Variants in ASB8 observed in about 807,000 individuals in gnomAD.
The protein encoded by ASB8 is ankyrin repeat and SOCS box containing 8.
In ASB8, 15 loss-of-function variants were observed where a neutral mutation model predicts 22.9. The ratio of observed to expected loss-of-function variants is 0.66; its 90% CI spans 0.44 to 1.01. The LOEUF (loss-of-function observed/expected upper bound fraction) is 1.01. Ranked by LOEUF, ASB8 falls within the 50% of genes least tolerant of loss-of-function variation. ASB8 has a pLI of 0.00. For missense variants in ASB8, 294 were observed against 356.9 expected (o/e 0.82, Z 1.42); for synonymous variants, 124 against 140.8 (o/e 0.88, Z 0.84).
chr12:48,150,581 G>A (rs1951183888), intron 3 of ASB8, among the ~76,000 whole-genome samples: 1 of 152,168 alleles, frequency 6.6e-6, no homozygotes, highest in South Asian at 2.1e-4. Flanking sequence ...GATAGGAAGA[G>A]CACAAATCTC....
intron 1 of ASB8, among the ~76,000 whole-genome samples, chr12:48,155,429 TATA>T (rs1230667602): frequency 6.6e-6 from 1 of 152,074 alleles, no homozygotes; most frequent in Non-Finnish European, 1.5e-5. Context: ...TTTAATAATA[TATA>T]ATGTTTTGGC....
chr12:48,156,782 A>G (rs748815476), intron 1 of ASB8, among the ~76,000 whole-genome samples: 3 of 152,106 alleles, frequency 2.0e-5, no homozygotes, highest in Non-Finnish European at 4.4e-5. Context: ...AGCTCCCGGT[A>G]AAGGAATGAA....
chr12:48,151,108 G>A (rs1249190971), intron 3 of ASB8, 93 bp downstream of exon 3: 15 of 950,056 alleles, frequency 1.6e-5, no homozygotes, highest in Non-Finnish European at 2.2e-5. Flanking sequence ...ACTGGAGGAG[G>A]GAAGAGATGG....
chr12:48,155,981 T>G (rs1479516122), intron 1 of ASB8, among the ~76,000 whole-genome samples: 1 of 151,784 alleles, frequency 6.6e-6, no homozygotes, highest in Non-Finnish European at 1.5e-5. Context: ...TTCACCATGT[T>G]GGCCAAACTG....
chr12:48,149,645 G>C lies in ASB8; in HGVS notation c.588C>G (p.Val196=). ...CCTCTTTCTCTGTTCCAAGTCCCCT[G>C]ACTAGCAGAGCCACCAGGCGGGAGA... ...TPISRLVALL[V]RGLGTEKEDS... The change falls in exon 4 of 4, where the codon GTC becomes GTG. Residue 196 remains valine (V), a synonymous_variant. Coordinates refer to ENST00000317697, the MANE Select transcript of ASB8 (RefSeq NM_024095.5). 1 of 1,614,172 alleles carries C rather than the reference G, an allele frequency of 6.2e-7. No homozygotes were observed. Among genetic ancestry groups the C allele is most frequent in the South Asian group, 1.1e-5 (1 of 91,080 alleles).
intron 1 of ASB8, among the ~76,000 whole-genome samples, chr12:48,156,502 A>G (rs1951307665): frequency 6.6e-6 from 1 of 152,202 alleles, no homozygotes; most frequent in Non-Finnish European, 1.5e-5. Flanking sequence ...TGTTGCCTGT[A>G]ATCCCAGCAC....
In ASB8 at chr12:48,149,783, G is replaced by T; in HGVS notation, c.450C>A (p.Asn150Lys). Residue 150 changes from asparagine to lysine, a missense_variant, in exon 4 of 4, where the codon AAC (asparagine) becomes AAA (lysine). Coordinates refer to ENST00000317697, the MANE Select transcript of ASB8 (RefSeq NM_024095.5). Reference sequence around the variant, plus strand: ...CAGCCCAGCTGAGCGGTGTATCATTGTTGTAATCCAGGGCATTGACAGAGG... The same window carrying T: ...CAGCCCAGCTGAGCGGTGTATCATTTTTGTAATCCAGGGCATTGACAGAGG... ...SGASVNALDY[N>K]NDTPLSWAAM... The T allele has an allele frequency of 6.2e-7, 1 of 1,614,148 alleles. No individual in the cohort carries two copies. Among genetic ancestry groups the T allele is most frequent in the Non-Finnish European group, 8.5e-7 (1 of 1,179,992 alleles).
rs772289314 is a variant in ASB8 at position 48,150,131 on chromosome 12, C to T, written c.235-133G>A. The T allele has an allele frequency of 1.3e-5, 12 of 922,274 alleles. No individual in the cohort carries two copies. The African/African-American group carries it at 1.8e-4, about 14-fold the overall frequency. 57.1% of individuals were successfully genotyped at this position (922,274 alleles called of 1,614,324 possible). A position where few individuals can be genotyped will look rare whatever the true frequency, so the allele number is the denominator to read the frequency against. On this transcript the variant is annotated intron_variant, in intron 3 of 3. Coordinates refer to ENST00000317697, the MANE Select transcript of ASB8 (RefSeq NM_024095.5). ...GAACAGGAGGGTCAGCAAGCAACTC[C>T]CAGGGAGTCCTGGTGATAAAGATGA...
chr12:48,149,186 TG>T lies in ASB8; in HGVS notation c.*179del. 3 of 654,066 alleles carry T rather than the reference TG, an allele frequency of 4.6e-6. No homozygotes were observed. The highest frequency in any genetic ancestry group is 5.0e-6 in the Non-Finnish European group (2 of 399,256). The allele number at this position is 654,066 out of a possible 1,614,324, so 40.5% of individuals were successfully genotyped here. A position where few individuals can be genotyped will look rare whatever the true frequency, so the allele number is the denominator to read the frequency against. ...GAAAACAAAAGTGAGGGATTTTTTTTGTTGGGTTGTTTGGTTTGGGAAGGGG... is the reference window on the plus strand; with the variant it reads ...GAAAACAAAAGTGAGGGATTTTTTTTTTGGGTTGTTTGGTTTGGGAAGGGG... On this transcript the variant is annotated 3_prime_UTR_variant, in exon 4 of 4. Transcript: ENST00000317697.
At chr12:48,151,416 A>G in intron 2 of ASB8, 111 bp from the exon 3 acceptor site, 2 of 994,832 alleles carry the variant, frequency 2.0e-6, no homozygotes, top group South Asian at 3.2e-5. Context: ...ACTATTTTAT[A>G]GATACAGTGC....
intron 3 of ASB8, chr12:48,150,317 G>A (rs112348604): frequency 0.011 from 7,006 of 631,020 alleles, 121 homozygotes; most frequent in African/African-American, 0.047. Context: ...GGGTAAGGCA[G>A]GAATAGAGGA....
At position 48,148,469 on chromosome 12, in the gene ASB8, G is replaced by C. The variant is rs993911582; in HGVS notation, c.*897C>G. ...CCAACAGAAAGAGGCAAAGACTGCT[G>C]TTTCCTTTGATGAGGGGAAAGAGGT... is the stretch of plus-strand genomic sequence containing the variant. On this transcript the variant is annotated 3_prime_UTR_variant, in exon 4 of 4. Transcript: ENST00000317697. 6.6e-6 allele frequency: 1 copy of C among 152,178 alleles called. No individual in the cohort carries two copies. The highest frequency in any genetic ancestry group is 1.5e-5 in the Non-Finnish European group (1 of 68,044). The allele number at this position is 152,178 out of a possible 1,614,324, so 9.4% of individuals were successfully genotyped here. A position where few individuals can be genotyped will look rare whatever the true frequency, so the allele number is the denominator to read the frequency against.
At chr12:48,151,987 A>C (rs551428809) in intron 2 of ASB8, among the ~76,000 whole-genome samples, 16 of 152,252 alleles carry the variant, frequency 1.1e-4, no homozygotes, top group Non-Finnish European at 2.1e-4. Flanking sequence ...CCCGGTCTCT[A>C]CTGAAAATAC....
At chr12:48,155,260 C>T (rs912711109) in intron 1 of ASB8, among the ~76,000 whole-genome samples, 2 of 152,140 alleles carry the variant, frequency 1.3e-5, no homozygotes, top group Admixed American at 6.6e-5. Flanking sequence ...TTATTATAAG[C>T]TCTTTGGGAA....
intron 3 of ASB8, 84 bp from the exon 4 acceptor site, chr12:48,150,082 ACT>A (rs1424122243): frequency 4.1e-6 from 6 of 1,459,572 alleles, no homozygotes; most frequent in Non-Finnish European, 5.7e-6. Flanking sequence ...ATGGTTACCC[ACT>A]ACCTTTGCTA....
intron 3 of ASB8, 70 bp from the exon 4 acceptor site, chr12:48,150,068 T>C: frequency 6.6e-7 from 1 of 1,526,716 alleles, no homozygotes; most frequent in Non-Finnish European, 9.1e-7. Flanking sequence ...GCAAAGAAGC[T>C]TGCATGGTTA....
Position 48,153,351 on chromosome 12 carries a change from A to G in ASB8, c.129+17T>C, listed in dbSNP as rs370749362. The stretch of plus-strand genomic sequence containing the variant: ...TTCATATCGCAAGGACTCTCCTGTC[A>G]ATACCAGCACACTCACCCCTCTGAT... On this transcript the variant is annotated intron_variant, in intron 2 of 3. Transcript: ENST00000317697. The G allele has an allele frequency of 3.1e-6, 5 of 1,613,574 alleles. No individual in the cohort carries two copies. The African/African-American group carries it at 5.3e-5, about 17-fold the overall frequency.
At chr12:48,151,662 T>C (rs757423018) in intron 2 of ASB8, 1 of 1,345,712 alleles carries the variant, frequency 7.4e-7, no homozygotes, top group Non-Finnish European at 9.8e-7. Flanking sequence ...ATGGCCACCA[T>C]GCTCTGGAAA....
chr12:48,150,786 T>G, intron 3 of ASB8: 1 of 223,620 alleles, frequency 4.5e-6, no homozygotes, highest in Non-Finnish European at 8.7e-6. Flanking sequence ...TTTAAGTACT[T>G]TTAAGGGTAC....
Sources: gnomAD v4.1 joint callset for allele counts (sites outside exome capture counted in the v4.1 genomes callset) on GRCh38, gnomAD v4.1.1 for gene constraint, MANE v1.5 for transcripts, NCBI Gene and HGNC (gene_info 2026-07-23, HGNC 2026-07-21) for gene names.